TLK1: variants seen among roughly 807,000 people sequenced by gnomAD.
TLK1 encodes the protein tousled like kinase 1.
Under a neutral mutation model 105.3 loss-of-function variants are expected in TLK1, and 24 were observed. The ratio of observed to expected loss-of-function variants is 0.23; its 90% CI spans 0.17 to 0.32. The LOEUF (loss-of-function observed/expected upper bound fraction) is 0.32, where lower values mean the gene tolerates loss of function less well. Among genes scored for constraint, TLK1 ranks in the 10% least tolerant of loss-of-function variants. The pLI, the probability that TLK1 is intolerant of heterozygous loss-of-function variation, is 1.00. For synonymous variants in TLK1, 321 were observed against 310.4 expected (o/e 1.03, Z -0.36); for missense variants, 558 against 910.5 (o/e 0.61, Z 4.98).
chr2:171,138,079 G>C (rs1482257322), intron 1 of TLK1, among the ~76,000 whole-genome samples: 1 of 151,986 alleles, frequency 6.6e-6, no homozygotes, highest in Non-Finnish European at 1.5e-5. Flanking sequence ...ATGATAAAAA[G>C]TTTGCATCAC....
intron 1 of TLK1, among the ~76,000 whole-genome samples, chr2:171,141,887 A>G (rs1036915509): frequency 2.0e-4 from 31 of 152,206 alleles, no homozygotes; most frequent in Non-Finnish European, 3.5e-4. Flanking sequence ...AAGATTGAAG[A>G]AAAAAACTGA....
intron 1 of TLK1, among the ~76,000 whole-genome samples, chr2:171,228,838 G>T (rs1449726971): frequency 6.6e-6 from 1 of 152,086 alleles, no homozygotes; most frequent in Non-Finnish European, 1.5e-5. Flanking sequence ...TGGTTGAACT[G>T]TAATTAAAAA....
At chr2:171,007,276 AAT>A (rs1278537748) in intron 14 of TLK1, among the ~76,000 whole-genome samples, 1 of 152,096 alleles carries the variant, frequency 6.6e-6, no homozygotes, top group Admixed American at 6.5e-5. Context: ...AGAAAACCTT[AAT>A]GTGAATTTTC....
At chr2:171,042,192 G>A (rs1001012668) in intron 11 of TLK1, among the ~76,000 whole-genome samples, 8 of 152,098 alleles carry the variant, frequency 5.3e-5, no homozygotes, top group African/African-American at 1.9e-4. Flanking sequence ...AAATACCTGT[G>A]ACAAACCAGA....
intron 1 of TLK1, among the ~76,000 whole-genome samples, chr2:171,172,155 G>T (rs906897798): frequency 1.3e-5 from 2 of 152,176 alleles, no homozygotes; most frequent in African/African-American, 4.8e-5. Flanking sequence ...GGCAAAGGAA[G>T]ATAGACATGA....
At chr2:171,076,796 C>A (rs879433130) in intron 3 of TLK1, among the ~76,000 whole-genome samples, 5 of 151,436 alleles carry the variant, frequency 3.3e-5, no homozygotes, top group Non-Finnish European at 7.4e-5. Flanking sequence ...CGCTTGTAGT[C>A]CCAGCTACTC....
rs11420656 is a variant in TLK1 at position 171,031,018 on chromosome 2, T to TAA, written c.1170-2615_1170-2614dup. Among the ~76,000 whole-genome samples the TAA allele has an allele frequency of 3.9e-3, 562 of 145,546 alleles. 4 individuals carry two copies. The highest frequency in any genetic ancestry group is 0.013 in the South Asian group (62 of 4,606). On this transcript the variant is annotated intron_variant, in intron 11 of 20. Transcript: ENST00000431350. Reference sequence around the variant, plus strand: ...AGTGATTCTTACCATTTTACAATCATAAAAAAAAAAAAAATCTGAAGGAAG... The same window carrying TAA: ...AGTGATTCTTACCATTTTACAATCATAAAAAAAAAAAAAAAATCTGAAGGAAG...
intron 1 of TLK1, among the ~76,000 whole-genome samples, chr2:171,197,228 A>T (rs1051549715): frequency 6.6e-6 from 1 of 152,226 alleles, no homozygotes; most frequent in Non-Finnish European, 1.5e-5. Flanking sequence ...GCGCTCATAC[A>T]TTAAATTTTC....
intron 11 of TLK1, among the ~76,000 whole-genome samples, chr2:171,032,330 T>C (rs1260446600): frequency 6.6e-6 from 1 of 152,132 alleles, no homozygotes; most frequent in Non-Finnish European, 1.5e-5. Flanking sequence ...CATGCCTCTA[T>C]ATTTAGAAAA....
upstream of TLK1, among the ~76,000 whole-genome samples, chr2:171,164,343 T>C (rs1302785035): frequency 6.6e-6 from 1 of 152,196 alleles, no homozygotes; most frequent in Admixed American, 6.5e-5. Context: ...TTTCACACTA[T>C]AGTAAGTGAA....
rs781452526 is a variant in TLK1, at chr2:171,022,830, A to T, written c.1236+5509T>A. On this transcript the variant is annotated intron_variant, in intron 12 of 20. Coordinates refer to ENST00000431350, the MANE Select transcript of TLK1 (RefSeq NM_012290.5). Reference sequence around the variant, plus strand: ...AATGGTGTTCTAGAAAAAAAGACCAAAGGGGACATCAAACTTCAAGAATAT... The same window carrying T: ...AATGGTGTTCTAGAAAAAAAGACCATAGGGGACATCAAACTTCAAGAATAT... 190 of 253,514 alleles carry T rather than the reference A, an allele frequency of 7.5e-4. 2 individuals carry two copies. Among genetic ancestry groups the T allele is most frequent in the Non-Finnish European group, 1.3e-3 (159 of 125,364 alleles). The allele number at this position is 253,514 out of a possible 1,614,324, so 15.7% of individuals were successfully genotyped here.
intron 11 of TLK1, among the ~76,000 whole-genome samples, chr2:171,039,051 T>C (rs565256780): frequency 7.0e-4 from 106 of 152,282 alleles, no homozygotes; most frequent in African/African-American, 2.4e-3. Flanking sequence ...ATTTCAACCT[T>C]TTATAACAAC....
At chr2:171,039,963 A>T (rs1036592296) in intron 11 of TLK1, among the ~76,000 whole-genome samples, 1 of 152,152 alleles carries the variant, frequency 6.6e-6, no homozygotes, top group Non-Finnish European at 1.5e-5. Flanking sequence ...AGCAAAAAAT[A>T]AATAAATATG....
chr2:171,062,395 A>C (rs1486041369), intron 3 of TLK1, among the ~76,000 whole-genome samples: 2 of 152,248 alleles, frequency 1.3e-5, no homozygotes, highest in Non-Finnish European at 2.9e-5. Context: ...AAATATATGA[A>C]TAACAATACA....
chr2:171,060,885 C>G (rs984457383), intron 4 of TLK1, among the ~76,000 whole-genome samples, 196 bp downstream of exon 4: 4 of 152,086 alleles, frequency 2.6e-5, no homozygotes, highest in Non-Finnish European at 1.5e-5. Context: ...TGATACTTGT[C>G]TTTCTAGGAC....
chr2:171,152,149 CTAAT>C (rs1195610892), intron 1 of TLK1, among the ~76,000 whole-genome samples: 1 of 152,138 alleles, frequency 6.6e-6, no homozygotes, highest in Admixed American at 6.5e-5. Context: ...TTTACTCCAG[CTAAT>C]TAGTTTTCAA....
chr2:171,119,674 T>A (rs1049736369), intron 1 of TLK1, among the ~76,000 whole-genome samples: 2 of 152,118 alleles, frequency 1.3e-5, no homozygotes, highest in African/African-American at 4.8e-5. Context: ...AAATAAACCC[T>A]CACGTGAAAT....
intron 2 of TLK1, among the ~76,000 whole-genome samples, chr2:171,105,130 C>A (rs1236263989): frequency 1.3e-5 from 2 of 152,066 alleles, no homozygotes; most frequent in Non-Finnish European, 2.9e-5. Flanking sequence ...AAAGCACAGG[C>A]AACAAAAGCA....
intron 1 of TLK1, among the ~76,000 whole-genome samples, chr2:171,130,596 A>T (rs1691063146): frequency 6.6e-6 from 1 of 152,200 alleles, no homozygotes; most frequent in East Asian, 1.9e-4. Flanking sequence ...AATACATGCA[A>T]AGTAAATCAC....
Sources: allele counts gnomAD v4.1 joint callset (sites outside exome capture counted in the v4.1 genomes callset), GRCh38; gene constraint gnomAD v4.1.1; transcripts MANE v1.5; gene names NCBI Gene and HGNC (gene_info 2026-07-23, HGNC 2026-07-21).